The following SLC16A10 variants were observed in gnomAD, a reference collection of about 807,000 sequenced individuals.
SLC16A10 encodes the protein solute carrier family 16 member 10.
SLC16A10 carries 27 observed loss-of-function variants against 40.0 expected under a neutral mutation model. That is an observed-to-expected ratio of 0.67 (90% confidence interval 0.50 to 0.93). The LOEUF is 0.93. SLC16A10 is among the 40% of genes least tolerant of loss of function. SLC16A10 has a pLI of 0.00. For missense variants in SLC16A10, 529 were observed against 658.2 expected (o/e 0.80, Z 2.15); for synonymous variants, 213 against 249.8 (o/e 0.85, Z 1.39).
intron 1 of SLC16A10, among the ~76,000 whole-genome samples, chr6:111,122,254 G>A (rs916819804): frequency 1.2e-4 from 19 of 152,172 alleles, no homozygotes; most frequent in African/African-American, 3.4e-4. Context: ...ACCCTGGACC[G>A]GACTCTGTAT....
At chr6:111,101,224 G>C (rs1236800130) in intron 1 of SLC16A10, among the ~76,000 whole-genome samples, 1 of 151,652 alleles carries the variant, frequency 6.6e-6, no homozygotes, top group Non-Finnish European at 1.5e-5. Flanking sequence ...TAGAGACAGG[G>C]TTTTGCCTTG....
At chr6:111,193,182 C>T (rs1239428188) in intron 3 of SLC16A10, 1 of 460,858 alleles carries the variant, frequency 2.2e-6, no homozygotes, top group East Asian at 1.5e-4. Flanking sequence ...ATGATTAAGA[C>T]ACCTTCTCTC....
rs1447547430 is a variant in SLC16A10, at chr6:111,222,540, C to T, written c.*305C>T. ...AACTGTGAATGATCTTTAGCTTGTA[C>T]AAATGTTTAAAAATACCTCAGGCTA... is the stretch of plus-strand genomic sequence containing the variant. On this transcript the variant is annotated 3_prime_UTR_variant, in exon 6 of 6. Transcript: ENST00000368851. 2 of 269,766 alleles carry T rather than the reference C, an allele frequency of 7.4e-6. No homozygotes were observed. Among genetic ancestry groups the T allele is most frequent in the Non-Finnish European group, 1.4e-5 (2 of 146,004 alleles). The allele number at this position is 269,766 out of a possible 1,614,324, so 16.7% of individuals were successfully genotyped here. A position where few individuals can be genotyped will look rare whatever the true frequency, so the allele number is the denominator to read the frequency against.
chr6:111,132,655 G>A (rs1771804938), intron 1 of SLC16A10, among the ~76,000 whole-genome samples: 1 of 152,224 alleles, frequency 6.6e-6, no homozygotes, highest in South Asian at 2.1e-4. Context: ...GGGCTCTTCT[G>A]TTAGAATAAA....
At chr6:111,142,419 C>T (rs1008903667) in intron 1 of SLC16A10, among the ~76,000 whole-genome samples, 1 of 152,118 alleles carries the variant, frequency 6.6e-6, no homozygotes, top group Admixed American at 6.6e-5. Context: ...AATTTCTGCT[C>T]TGTGAAAGAC....
At chr6:111,203,423 C>T (rs769295124) in intron 3 of SLC16A10, among the ~76,000 whole-genome samples, 3 of 152,072 alleles carry the variant, frequency 2.0e-5, no homozygotes, top group African/African-American at 7.2e-5. Flanking sequence ...ATGGCAGTAA[C>T]AAAATTCGGT....
chr6:111,108,212 G>A (rs1292434456), intron 1 of SLC16A10, among the ~76,000 whole-genome samples: 1 of 151,990 alleles, frequency 6.6e-6, no homozygotes, highest in Non-Finnish European at 1.5e-5. Context: ...TAGAGATGGG[G>A]TTTCACCATG....
rs1246383622 is a variant in SLC16A10, at chr6:111,170,003, A to G, written c.344-2692A>G. On this transcript the variant is annotated intron_variant, in intron 1 of 5. Transcript: ENST00000368851. ...ATGACCTCGGCTCACTGCAGCCTCC[A>G]CCTGCCAAGGTTCAAGCAATTCTTG... Among the ~76,000 whole-genome samples the G allele has an allele frequency of 2.8e-5, 4 of 141,718 alleles. No homozygotes were observed. The East Asian group carries it at 8.2e-4, about 29-fold the overall frequency. 93.0% of individuals were successfully genotyped at this position (141,718 alleles called of 152,430 possible).
chr6:111,200,682 C>A (rs1214577478), intron 3 of SLC16A10, among the ~76,000 whole-genome samples: 1 of 152,170 alleles, frequency 6.6e-6, no homozygotes, highest in African/African-American at 2.4e-5. Context: ...TTTTGATTTG[C>A]AACAAACTCA....
chr6:111,150,054 C>T (rs951443791), intron 1 of SLC16A10, among the ~76,000 whole-genome samples: 6 of 152,170 alleles, frequency 3.9e-5, no homozygotes, highest in Non-Finnish European at 8.8e-5. Context: ...CTGAATTTGT[C>T]TCCCAAAGTT....
chr6:111,144,046 G>A (rs1562411624), intron 1 of SLC16A10, among the ~76,000 whole-genome samples: 1 of 151,984 alleles, frequency 6.6e-6, no homozygotes, highest in African/African-American at 2.4e-5. Context: ...CTCTGGTGGG[G>A]GATGTTTATA....
chr6:111,178,955 A>G (rs1020489436), intron 3 of SLC16A10, among the ~76,000 whole-genome samples: 3 of 152,214 alleles, frequency 2.0e-5, no homozygotes, highest in Non-Finnish European at 4.4e-5. Context: ...CCTCTTTCAT[A>G]GCTTCTGTAG....
chr6:111,193,965 C>T (rs1287698258), intron 3 of SLC16A10, among the ~76,000 whole-genome samples: 2 of 152,054 alleles, frequency 1.3e-5, no homozygotes, highest in Non-Finnish European at 2.9e-5. Context: ...TGGGAAGTGT[C>T]CTAACACCTC....
At chr6:111,094,157 T>C (rs112861697) in intron 1 of SLC16A10, among the ~76,000 whole-genome samples, 8 of 152,362 alleles carry the variant, frequency 5.3e-5, no homozygotes, top group African/African-American at 1.9e-4. Context: ...ACTCTGCTTT[T>C]GATGTGATTT....
At position 111,219,021 on chromosome 6, in the gene SLC16A10, A is replaced by T; in HGVS notation, c.1294A>T (p.Thr432Ser). 6.2e-7 allele frequency: 1 copy of T among 1,614,102 alleles called. No individual in the cohort carries two copies. The highest frequency in any genetic ancestry group is 1.1e-5 in the South Asian group (1 of 91,082). The change falls in exon 5 of 6, where the codon ACT becomes TCT. Residue 432 changes from threonine to serine, a missense_variant. By Grantham distance (58) the Thr-to-Ser change is moderately conservative. Coordinates refer to ENST00000368851, the MANE Select transcript of SLC16A10 (RefSeq NM_018593.5). ...GCTCGGATTCATGTCTATACCCATG[A>T]CTGTTGGCCCACCCATTGCAGGTAA... ...FLLGFMSIPM[T>S]VGPPIAGLLR...
intron 1 of SLC16A10, among the ~76,000 whole-genome samples, chr6:111,092,789 C>T (rs1383272842): frequency 6.6e-6 from 1 of 151,346 alleles, no homozygotes; most frequent in East Asian, 2.0e-4. Context: ...CCTGTAATCC[C>T]AGCCCTTTGG....
chr6:111,213,545 A>G (rs1773377453), intron 4 of SLC16A10, among the ~76,000 whole-genome samples: 1 of 152,210 alleles, frequency 6.6e-6, no homozygotes, highest in Admixed American at 6.5e-5. Flanking sequence ...GGATGAGGGT[A>G]TATACTTTAT....
chr6:111,228,548 C>A lies in SLC16A10; in HGVS notation c.*6313C>A, dbSNP rs1170895547. The stretch of plus-strand genomic sequence containing the variant: ...TTAGATTGGTAATACTATTTTGGAG[C>A]CTGTGATGTATGACTTTTATTCTTT... On this transcript the variant is annotated 3_prime_UTR_variant, in exon 6 of 6. Coordinates refer to ENST00000368851, the MANE Select transcript of SLC16A10 (RefSeq NM_018593.5). 2.6e-5 allele frequency: 4 copies of A among 151,968 alleles called. No individual in the cohort carries two copies. The East Asian group carries it at 7.7e-4, about 29-fold the overall frequency. The allele number at this position is 151,968 out of a possible 1,614,324, so 9.4% of individuals were successfully genotyped here.
At chr6:111,111,658 C>T (rs1019232558) in intron 1 of SLC16A10, among the ~76,000 whole-genome samples, 13 of 152,318 alleles carry the variant, frequency 8.5e-5, no homozygotes, top group African/African-American at 2.6e-4. Context: ...CTGCCCATTT[C>T]CCTCTCCTCT....
Sources: gnomAD v4.1 joint callset for allele counts (sites outside exome capture counted in the v4.1 genomes callset) on GRCh38, gnomAD v4.1.1 for gene constraint, MANE v1.5 for transcripts, NCBI Gene and HGNC (gene_info 2026-07-23, HGNC 2026-07-21) for gene names.